Variants in EXOC6B observed in about 807,000 individuals in gnomAD.
The protein encoded by EXOC6B is exocyst complex component 6B.
EXOC6B carries 54 observed loss-of-function variants against 113.5 expected under a neutral mutation model. That is an observed-to-expected ratio of 0.48 (90% CI 0.38 to 0.60). EXOC6B has a LOEUF of 0.60. EXOC6B is among the 20% of genes least tolerant of loss of function. The probability of loss-of-function intolerance (pLI) is 0.00; values close to 1 mark genes in which losing one functional copy is unlikely to be tolerated. For synonymous variants in EXOC6B, 357 were observed against 339.0 expected (o/e 1.05, Z -0.58); for missense variants, 797 against 977.5 (o/e 0.82, Z 2.46).
In EXOC6B at chr2:72,769,214, T is replaced by G. The variant is rs1454268960; in HGVS notation, c.114-27745A>C. ...TCACTAAAAGAAATGCTAAAGGGAGTTCTGCATACAAAAGGAAAAGTGACC... is the reference window on the plus strand; with the variant it reads ...TCACTAAAAGAAATGCTAAAGGGAGGTCTGCATACAAAAGGAAAAGTGACC... On this transcript the variant is annotated intron_variant, in intron 1 of 21. Coordinates refer to ENST00000272427, the MANE Select transcript of EXOC6B (RefSeq NM_015189.3). 3.3e-5 allele frequency among the ~76,000 whole-genome samples: 5 copies of G among 151,618 alleles called. 1 individual carries two copies. The highest frequency in any genetic ancestry group is 7.4e-5 in the Non-Finnish European group (5 of 67,838).
At chr2:72,814,877 G>A (rs1686136321) in intron 1 of EXOC6B, among the ~76,000 whole-genome samples, 1 of 152,178 alleles carries the variant, frequency 6.6e-6, no homozygotes, top group Non-Finnish European at 1.5e-5. Flanking sequence ...TGTAGTCCCA[G>A]CTACTCCGGA....
intron 6 of EXOC6B, among the ~76,000 whole-genome samples, chr2:72,665,755 G>A (rs1024158948): frequency 9.2e-5 from 14 of 152,248 alleles, no homozygotes; most frequent in African/African-American, 2.6e-4. Flanking sequence ...ACCTAAATAC[G>A]TAGCCCACAG....
At chr2:72,564,029 T>C (rs965648137) in intron 7 of EXOC6B, among the ~76,000 whole-genome samples, 2 of 152,172 alleles carry the variant, frequency 1.3e-5, no homozygotes, top group African/African-American at 2.4e-5. Flanking sequence ...AGAAAAATTA[T>C]CTGCAGGTAA....
chr2:72,694,137 C>A lies in EXOC6B; in HGVS notation c.669+23966G>T, dbSNP rs1367150465. On this transcript the variant is annotated intron_variant, in intron 6 of 21. Transcript: ENST00000272427. ...TACAAATTTTCTGCTTTGAAAAGAG[C>A]TTTCTTCCTTCAAGAATGAACTGGT... 3.1e-4 allele frequency among the ~76,000 whole-genome samples: 47 copies of A among 152,138 alleles called. 1 individual carries two copies.
intron 19 of EXOC6B, chr2:72,354,188 A>G (rs1289589615): frequency 1.3e-5 from 2 of 152,214 alleles, no homozygotes; most frequent in Admixed American, 1.3e-4. Flanking sequence ...CACTGTCCAT[A>G]GTTAGAGATG....
intron 18 of EXOC6B, among the ~76,000 whole-genome samples, chr2:72,381,670 A>G (rs1691683071): frequency 6.6e-6 from 1 of 152,182 alleles, no homozygotes; most frequent in African/African-American, 2.4e-5. Context: ...TCCATAATGC[A>G]TATGCTTATA....
chr2:72,659,749 AC>A (rs1674869225), intron 6 of EXOC6B, among the ~76,000 whole-genome samples: 1 of 152,166 alleles, frequency 6.6e-6, no homozygotes, highest in South Asian at 2.1e-4. Flanking sequence ...TTATTCAGGA[AC>A]CACAAACTGT....
At chr2:72,380,090 T>C (rs2105064644) in intron 18 of EXOC6B, among the ~76,000 whole-genome samples, 1 of 152,310 alleles carries the variant, frequency 6.6e-6, no homozygotes, top group South Asian at 2.1e-4. Flanking sequence ...GCTGTAACAC[T>C]AAGCTAAAAT....
chr2:72,677,377 T>A (rs575019681), intron 6 of EXOC6B, among the ~76,000 whole-genome samples: 2 of 150,194 alleles, frequency 1.3e-5, no homozygotes, highest in Non-Finnish European at 3.0e-5. Flanking sequence ...TTTTTATATT[T>A]AAAAAAAAAC....
chr2:72,189,358 A>T (rs1163274492), intron 20 of EXOC6B, among the ~76,000 whole-genome samples: 1 of 152,182 alleles, frequency 6.6e-6, no homozygotes, highest in Non-Finnish European at 1.5e-5. Flanking sequence ...GCAGAACACT[A>T]TGTAAGTGAT....
chr2:72,211,708 A>T (rs1305329849), intron 20 of EXOC6B, among the ~76,000 whole-genome samples: 1 of 152,208 alleles, frequency 6.6e-6, no homozygotes, highest in Non-Finnish European at 1.5e-5. Flanking sequence ...GGTAAATTTG[A>T]TATGTGGTCA....
chr2:72,692,529 T>G (rs2104594555), intron 6 of EXOC6B, among the ~76,000 whole-genome samples: 1 of 152,186 alleles, frequency 6.6e-6, no homozygotes, highest in Non-Finnish European at 1.5e-5. Context: ...TTTTTTGTAT[T>G]TTTAGAAGAG....
At chr2:72,249,880 A>G (rs1189640396) in intron 20 of EXOC6B, among the ~76,000 whole-genome samples, 3 of 152,202 alleles carry the variant, frequency 2.0e-5, no homozygotes, top group East Asian at 1.9e-4. Context: ...TGGTAGCTTC[A>G]TACATATTGG....
chr2:72,605,239 G>A (rs1269658761), intron 6 of EXOC6B, among the ~76,000 whole-genome samples: 1 of 149,806 alleles, frequency 6.7e-6, no homozygotes, highest in Non-Finnish European at 1.5e-5. Flanking sequence ...AGCCGAGATG[G>A]CACCACTGCA....
chr2:72,183,713 G>A (rs879263467), intron 21 of EXOC6B, among the ~76,000 whole-genome samples: 6 of 152,040 alleles, frequency 3.9e-5, no homozygotes, highest in African/African-American at 1.4e-4. Flanking sequence ...CAGGTGACTA[G>A]GGCAGCCTCA....
intron 8 of EXOC6B, among the ~76,000 whole-genome samples, chr2:72,552,139 C>A (rs984837104): frequency 6.6e-6 from 1 of 151,916 alleles, no homozygotes; most frequent in Non-Finnish European, 1.5e-5. Flanking sequence ...TTGGTACTGG[C>A]GGATATAACA....
At chr2:72,558,843 A>T (rs1184328285) in intron 8 of EXOC6B, among the ~76,000 whole-genome samples, 1 of 152,156 alleles carries the variant, frequency 6.6e-6, no homozygotes, top group Non-Finnish European at 1.5e-5. Flanking sequence ...ACATACTTGA[A>T]CATATTAAAA....
intron 18 of EXOC6B, among the ~76,000 whole-genome samples, chr2:72,439,091 T>C (rs1696045616): frequency 6.6e-6 from 1 of 152,174 alleles, no homozygotes; most frequent in Admixed American, 6.6e-5. Flanking sequence ...ATGATCTTCA[T>C]TTGCAAAATG....
At chr2:72,247,223 A>G (rs963680690) in intron 20 of EXOC6B, among the ~76,000 whole-genome samples, 1 of 152,214 alleles carries the variant, frequency 6.6e-6, no homozygotes, top group Admixed American at 6.5e-5. Context: ...TATTTGATCT[A>G]TTTTATTCCC....
Sources: allele counts gnomAD v4.1 joint callset (sites outside exome capture counted in the v4.1 genomes callset), GRCh38; gene constraint gnomAD v4.1.1; transcripts MANE v1.5; gene names NCBI Gene and HGNC (gene_info 2026-07-23, HGNC 2026-07-21).